Variants in NBEAL1 observed in about 807,000 individuals in gnomAD.
NBEAL1 encodes neurobeachin-like protein 1.
In NBEAL1, 273 loss-of-function variants were observed where a neutral mutation model predicts 351.3. The ratio of observed to expected loss-of-function variants is 0.78; its 90% CI spans 0.70 to 0.86. The LOEUF (loss-of-function observed/expected upper bound fraction) is 0.86. NBEAL1 is among the 40% of genes least tolerant of loss of function. The pLI is 0.00. For synonymous variants in NBEAL1, 1,050 were observed against 1,086.4 expected, an observed-to-expected ratio of 0.97 and a Z score of 0.66; for missense variants, 2,961 against 3,201.3, an observed-to-expected ratio of 0.92 and a Z score of 1.81.
At chr2:203,084,439 A>G (rs1237523230) in intron 9 of NBEAL1, 24 bp from the exon 10 acceptor site, 1 of 1,255,254 alleles carries the variant, frequency 8.0e-7, no homozygotes, top group Admixed American at 3.3e-5. Context: ...TTTTACATGG[A>G]TGATTTTCTT....
At chr2:203,034,642 T>C (rs1333758350) in intron 2 of NBEAL1, among the ~76,000 whole-genome samples, 3 of 148,180 alleles carry the variant, frequency 2.0e-5, no homozygotes, top group African/African-American at 7.3e-5. Flanking sequence ...TTAGTAGAGA[T>C]AGGGTTTCTC....
At chr2:203,161,181 G>C (rs2063944609) in intron 36 of NBEAL1, among the ~76,000 whole-genome samples, 1 of 151,494 alleles carries the variant, frequency 6.6e-6, no homozygotes, top group Non-Finnish European at 1.5e-5. Context: ...CAAAAAATTA[G>C]CCGGGTGTGG....
At chr2:203,029,664 C>T (rs575288875) in intron 2 of NBEAL1, among the ~76,000 whole-genome samples, 2 of 149,638 alleles carry the variant, frequency 1.3e-5, no homozygotes, top group East Asian at 3.9e-4. Flanking sequence ...TGTACTTCAG[C>T]CTGGGCAATA....
chr2:203,057,780 G>A lies in NBEAL1; in HGVS notation c.515+327G>A, dbSNP rs935339855. ...TTTTAAAAAACATACTTTATAATTC[G>A]AAAATGCTTTCTAGCAGTATTTTGT... On this transcript the variant is annotated intron_variant, in intron 6 of 55. Transcript: ENST00000683969. 5.3e-5 allele frequency among the ~76,000 whole-genome samples: 8 copies of A among 149,680 alleles called. No homozygotes were observed. In the South Asian group the frequency reaches 1.3e-3, roughly 24 times the overall value.
rs2065939304 is a variant in NBEAL1, at chr2:203,220,178, G to A, written c.*2824G>A. Reference sequence around the variant, plus strand: ...TCAATTGGTGAATATAGTATCTCAAGTTGGCTCTTACAAAGTCTGTTACCT... The same window carrying A: ...TCAATTGGTGAATATAGTATCTCAAATTGGCTCTTACAAAGTCTGTTACCT... On this transcript the variant is annotated 3_prime_UTR_variant, in exon 56 of 56. Transcript: ENST00000683969. 6.6e-6 allele frequency among the ~76,000 whole-genome samples: 1 copy of A among 152,112 alleles called. No individual in the cohort carries two copies. The highest frequency in any genetic ancestry group is 1.5e-5 in the Non-Finnish European group (1 of 68,008).
At chr2:203,124,825 G>A (rs2062903697) in intron 19 of NBEAL1, among the ~76,000 whole-genome samples, 1 of 152,088 alleles carries the variant, frequency 6.6e-6, no homozygotes, top group Admixed American at 6.5e-5. Context: ...AGAAACTGAA[G>A]CCAGTGATAT....
At chr2:203,091,150 C>T (rs999649095) in intron 10 of NBEAL1, among the ~76,000 whole-genome samples, 5 of 152,112 alleles carry the variant, frequency 3.3e-5, no homozygotes, top group Non-Finnish European at 5.9e-5. Context: ...TTCCTCTCAC[C>T]TCAGCCCCTG....
chr2:203,210,818 A>G, intron 53 of NBEAL1, 140 bp from the exon 54 acceptor site: 2 of 476,000 alleles, frequency 4.2e-6, no homozygotes, highest in East Asian at 6.6e-5. Flanking sequence ...TTGTCTACAC[A>G]CTTGGTCTTT....
chr2:203,055,822 T>A (rs1410538656), intron 4 of NBEAL1, among the ~76,000 whole-genome samples: 1 of 152,236 alleles, frequency 6.6e-6, no homozygotes, highest in Non-Finnish European at 1.5e-5. Context: ...TGAGGGACCA[T>A]ATTTTAGTTA....
chr2:203,115,646 T>A (rs1039409328), intron 17 of NBEAL1, among the ~76,000 whole-genome samples: 1 of 152,082 alleles, frequency 6.6e-6, no homozygotes, highest in Non-Finnish European at 1.5e-5. Context: ...CCCAGGCTGG[T>A]CTCAAACTCC....
chr2:203,142,946 C>G (rs1252702602), intron 31 of NBEAL1, among the ~76,000 whole-genome samples: 1 of 152,146 alleles, frequency 6.6e-6, no homozygotes, highest in Middle Eastern at 3.2e-3. Context: ...GTTTACATTG[C>G]TAAGATTTAC....
At position 203,175,085 on chromosome 2, in the gene NBEAL1, C is replaced by T; in HGVS notation, c.6324-62C>T. The T allele has an allele frequency of 4.4e-6, 6 of 1,353,028 alleles. No individual in the cohort carries two copies. The South Asian group carries it at 7.8e-5, about 18-fold the overall frequency. 83.8% of individuals were successfully genotyped at this position (1,353,028 alleles called of 1,614,324 possible). On this transcript the variant is annotated intron_variant, in intron 41 of 55. Transcript: ENST00000683969. ...TGTATTTTCAGAAATAAAATACAAACTTATGCCCCCTTATGTACTTTATTA... is the reference window on the plus strand; with the variant it reads ...TGTATTTTCAGAAATAAAATACAAATTTATGCCCCCTTATGTACTTTATTA...
chr2:203,182,406 T>A (rs1190327032), intron 43 of NBEAL1: 1 of 152,172 alleles, frequency 6.6e-6, no homozygotes, highest in Non-Finnish European at 1.5e-5. Context: ...CTCTTTCTCA[T>A]AAGTTCTCCT....
intron 18 of NBEAL1, among the ~76,000 whole-genome samples, chr2:203,121,375 G>C (rs1206295735): frequency 6.6e-6 from 1 of 151,022 alleles, no homozygotes; most frequent in African/African-American, 2.4e-5. Flanking sequence ...TGGCGAGGCC[G>C]GGTGCAGTGG....
At chr2:203,087,624 T>A (rs1157592096) in intron 10 of NBEAL1, among the ~76,000 whole-genome samples, 1 of 152,248 alleles carries the variant, frequency 6.6e-6, no homozygotes, top group Non-Finnish European at 1.5e-5. Flanking sequence ...TTCTTATTCA[T>A]GCTTTTTAAA....
intron 16 of NBEAL1, among the ~76,000 whole-genome samples, chr2:203,112,585 A>G (rs2062598618): frequency 6.6e-6 from 1 of 152,180 alleles, no homozygotes; most frequent in South Asian, 2.1e-4. Context: ...AATAGAGTAG[A>G]TTATTTCTCA....
intron 2 of NBEAL1, among the ~76,000 whole-genome samples, chr2:203,020,244 A>T (rs945461868): frequency 6.6e-6 from 1 of 152,184 alleles, no homozygotes; most frequent in African/African-American, 2.4e-5. Context: ...TGTTAGAAAC[A>T]TGTGTCTTCT....
intron 6 of NBEAL1, among the ~76,000 whole-genome samples, chr2:203,063,762 C>T (rs2106112889): frequency 6.6e-6 from 1 of 151,970 alleles, no homozygotes; most frequent in Non-Finnish European, 1.5e-5. Flanking sequence ...TCCTACTTGT[C>T]AAACCTGGAA....
intron 19 of NBEAL1, 140 bp downstream of exon 19, chr2:203,122,483 G>A: frequency 1.7e-6 from 1 of 581,734 alleles, no homozygotes; most frequent in Non-Finnish European, 3.0e-6. Context: ...CAATTTGAAG[G>A]GTAAACAAAT....
Sources: gnomAD v4.1 joint callset for allele counts (sites outside exome capture counted in the v4.1 genomes callset) on GRCh38, gnomAD v4.1.1 for gene constraint, MANE v1.5 for transcripts, NCBI Gene and HGNC (gene_info 2026-07-23, HGNC 2026-07-21) for gene names.